The following ICE1 variants were observed in gnomAD, a reference collection of about 807,000 sequenced individuals.
ICE1 encodes the protein little elongation complex subunit 1.
A neutral mutation model predicts 192.7 loss-of-function variants in ICE1; 64 were observed. The observed-to-expected ratio is 0.33, with a 90% confidence interval of 0.27 to 0.41. The LOEUF is 0.41. Ranked by LOEUF, ICE1 falls within the 10% of genes least tolerant of loss-of-function variation. ICE1 has a pLI of 1.00. For missense variants in ICE1, 2,708 were observed against 2,696.0 expected, an observed-to-expected ratio of 1.00 and a Z score of -0.10; for synonymous variants, 1,010 against 984.5, an observed-to-expected ratio of 1.03 and a Z score of -0.49.
chr5:5,467,371 C>T (rs1408268265), intron 14 of ICE1, among the ~76,000 whole-genome samples: 1 of 152,136 alleles, frequency 6.6e-6, no homozygotes, highest in Non-Finnish European at 1.5e-5. Flanking sequence ...TGGGACGGAA[C>T]GGGTGTGGGC....
chr5:5,462,772 C>T lies in ICE1; in HGVS notation c.3438C>T (p.Ser1146=). The T allele has an allele frequency of 6.2e-7, 1 of 1,613,606 alleles. No homozygotes were observed. The highest frequency in any genetic ancestry group is 2.2e-5 in the East Asian group (1 of 44,858). ...CTGCTGTAGCCGAGGTGAGACCTTC[C>T]TTAGAGGTAGGTTATTTGACGTCAG... ...TDAAVAEVRP[S]LEVGYLTSAL... Residue 1146 remains serine, a synonymous_variant, in exon 13 of 19, where the codon TCC becomes TCT. Transcript: ENST00000296564.
rs1380256346 is a variant in ICE1, at chr5:5,440,875, C to T, written c.198-237C>T. Among the ~76,000 whole-genome samples the T allele has an allele frequency of 3.3e-5, 5 of 150,180 alleles. No individual in the cohort carries two copies. The South Asian group carries it at 6.3e-4, about 19-fold the overall frequency. The stretch of plus-strand genomic sequence containing the variant: ...ATACTCCAGCCATTATATTCCAGCC[C>T]AGGAGACAGAGTGAGACCCTGACTA... On this transcript the variant is annotated intron_variant, in intron 4 of 18. Coordinates refer to ENST00000296564, the MANE Select transcript of ICE1 (RefSeq NM_015325.3).
At chr5:5,453,370 A>G (rs1203345014) in intron 10 of ICE1, among the ~76,000 whole-genome samples, 3 of 152,180 alleles carry the variant, frequency 2.0e-5, no homozygotes, top group East Asian at 1.9e-4. Flanking sequence ...TGTCCTCCAC[A>G]GTTGTCCTGC....
chr5:5,437,727 G>A (rs527875710), intron 3 of ICE1: 1 of 152,398 alleles, frequency 6.6e-6, no homozygotes, highest in South Asian at 2.1e-4. Flanking sequence ...GTGGGAAAAA[G>A]ATGTGTATAA....
chr5:5,477,016 T>C lies in ICE1; in HGVS notation c.6520+937T>C, dbSNP rs150239250. ...TGCTTCCTTATTTGCTACAAATCGTTAGTTTTTATTTTTACTTATCTCCTA... is the reference window on the plus strand; with the variant it reads ...TGCTTCCTTATTTGCTACAAATCGTCAGTTTTTATTTTTACTTATCTCCTA... On this transcript the variant is annotated intron_variant, in intron 17 of 18. Transcript: ENST00000296564. 7.2e-5 allele frequency among the ~76,000 whole-genome samples: 11 copies of C among 152,358 alleles called. No homozygotes were observed. The East Asian group carries it at 2.1e-3, about 29-fold the overall frequency.
At chr5:5,485,724 A>T (rs2111408175) in intron 17 of ICE1, among the ~76,000 whole-genome samples, 1 of 152,364 alleles carries the variant, frequency 6.6e-6, no homozygotes, top group South Asian at 2.1e-4. Context: ...ATTGACATAG[A>T]TCTTCGAAAT....
At position 5,464,310 on chromosome 5, in the gene ICE1, C is replaced by G. The variant is rs1327131086; in HGVS notation, c.4976C>G (p.Pro1659Arg). ...PLSPLISSSSPSSPASPVGQV... is the reference protein window; with the variant it reads ...PLSPLISSSSRSSPASPVGQV... ...TCTCCACTGATATCGAGTTCTAGTC[C>G]TTCCTCACCAGCCTCTCCTGTTGGC... Residue 1659 changes from proline (P) to arginine (R), a missense_variant, in exon 13 of 19, where the codon CCT becomes CGT. This residue lies in a region of ICE1 where 2,366 missense variants were observed against 2,276.6 expected (regional missense o/e 1.04). Transcript: ENST00000296564. The surrounding 1 kb of genome is among the most constrained non-coding windows in gnomAD (Gnocchi z 4.0). 6.2e-7 allele frequency: 1 copy of G among 1,613,668 alleles called. No individual in the cohort carries two copies.
intron 4 of ICE1, among the ~76,000 whole-genome samples, chr5:5,440,463 A>C (rs1236561586): frequency 1.3e-5 from 2 of 152,176 alleles, no homozygotes; most frequent in Admixed American, 6.5e-5. Context: ...TTTTACTGTA[A>C]AGTATTCTTC....
rs150293558 is a variant in ICE1, at chr5:5,481,086, G to A, written c.6520+5007G>A. 1.3e-3 allele frequency among the ~76,000 whole-genome samples: 200 copies of A among 152,274 alleles called. 9 individuals are homozygous for A. In the East Asian group the frequency reaches 0.037, roughly 28 times the overall value. On this transcript the variant is annotated intron_variant, in intron 17 of 18. Transcript: ENST00000296564. ...AGGTGACATCTATATATCTGGAAAT[G>A]CTGATTTCAGTAGCAGCTTCTCTTA...
intron 13 of ICE1, among the ~76,000 whole-genome samples, chr5:5,465,737 C>T (rs1738965215): frequency 6.6e-6 from 1 of 152,292 alleles, no homozygotes. Context: ...AGACGGATCA[C>T]ACTTAGTGCT....
Position 5,457,422 on chromosome 5 carries a change from A to G in ICE1, c.782A>G (p.Asn261Ser). 4 of 1,613,844 alleles carry G rather than the reference A, an allele frequency of 2.5e-6. No homozygotes were observed. The highest frequency in any genetic ancestry group is 3.4e-6 in the Non-Finnish European group (4 of 1,179,806). ...PTQGSPLRTS[N>S]VQTCLTKLSM... is the part of the protein sequence containing the mutation. Reference sequence around the variant, plus strand: ...CAGGGCAGCCCTCTCAGGACCTCAAATGTGCAGACATGCCTCACAAAACTG... The same window carrying G: ...CAGGGCAGCCCTCTCAGGACCTCAAGTGTGCAGACATGCCTCACAAAACTG... The change falls in exon 12 of 19, where the codon AAT becomes AGT. Residue 261 changes from asparagine to serine, a missense_variant. By Grantham distance (46) the Asn-to-Ser change is conservative. This residue lies in a region of ICE1 where 2,366 missense variants were observed against 2,276.6 expected (regional missense o/e 1.04). Transcript: ENST00000296564.
chr5:5,475,946 A>G, intron 16 of ICE1, 27 bp from the exon 17 acceptor site: 1 of 1,329,794 alleles, frequency 7.5e-7, no homozygotes, highest in Non-Finnish European at 1.1e-6. Context: ...TGATGAGCAT[A>G]CATCTTTTCA....
chr5:5,478,093 C>T (rs1460730543), intron 17 of ICE1, among the ~76,000 whole-genome samples: 5 of 152,214 alleles, frequency 3.3e-5, no homozygotes, highest in Admixed American at 2.0e-4. Flanking sequence ...CTTACCACTC[C>T]TGTTCAACAT....
rs755918458 is a variant in ICE1 at position 5,462,276 on chromosome 5, G to C, written c.2942G>C (p.Gly981Ala). 6.2e-7 allele frequency: 1 copy of C among 1,613,434 alleles called. No homozygotes were observed. The highest frequency in any genetic ancestry group is 8.5e-7 in the Non-Finnish European group (1 of 1,179,588). Reference protein sequence around the residue: ...IVREAAVQGDGQKQRQPQATD... With the variant: ...IVREAAVQGDAQKQRQPQATD... ...AGAGAAGCTGCAGTGCAGGGAGATG[G>C]GCAGAAGCAAAGGCAGCCTCAGGCC... Residue 981 changes from glycine to alanine, a missense_variant, in exon 13 of 19, where the codon GGG (glycine) becomes GCG (alanine). Physicochemically the swap from Gly to Ala is moderately conservative, Grantham distance 60. Transcript: ENST00000296564.
intron 5 of ICE1, 21 bp from the exon 6 acceptor site, chr5:5,443,147 G>GC: frequency 1.5e-6 from 2 of 1,348,892 alleles, no homozygotes; most frequent in Non-Finnish European, 2.0e-6. Flanking sequence ...GACAATATCT[G>GC]TTTTTTTTCT....
At position 5,463,266 on chromosome 5, in the gene ICE1, C is replaced by G. The variant is rs762287463; in HGVS notation, c.3932C>G (p.Ser1311Cys). 2 of 1,613,328 alleles carry G rather than the reference C, an allele frequency of 1.2e-6. No individual in the cohort carries two copies. The highest frequency in any genetic ancestry group is 8.5e-7 in the Non-Finnish European group (1 of 1,179,728). Reference protein sequence around the residue: ...EKSPFRETTGSSSHASEPTPQ... With the variant: ...EKSPFRETTGCSSHASEPTPQ... ...AGTCCATTTCGGGAAACGACTGGCT[C>G]CTCATCACATGCTTCAGAACCAACC... The change falls in exon 13 of 19, where the codon TCC (serine) becomes TGC (cysteine). Residue 1311 changes from serine to cysteine, a missense_variant. Physicochemically the swap from Ser to Cys is moderately radical, Grantham distance 112. Transcript: ENST00000296564.
chr5:5,463,758 A>G lies in ICE1; in HGVS notation c.4424A>G (p.His1475Arg). The G allele has an allele frequency of 6.2e-7, 1 of 1,613,808 alleles. No homozygotes were observed. Residue 1475 changes from histidine (H) to arginine (R), a missense_variant, in exon 13 of 19, where the codon CAC becomes CGC. Transcript: ENST00000296564. ...TSAEKSPEAS[H>R]TGPAFQEAPC... is the part of the protein sequence containing the mutation. ...GCTGAGAAGTCCCCAGAGGCCAGTC[A>G]CACTGGCCCTGCATTTCAGGAGGCT...
chr5:5,443,151 T>G lies in ICE1; in HGVS notation c.310-17T>G, dbSNP rs775005916. Reference sequence around the variant, plus strand: ...ACTTTCATTTTGACAATATCTGTTTTTTTTCTTTTTTTAAAGAGTTCTTTA... The same window carrying G: ...ACTTTCATTTTGACAATATCTGTTTGTTTTCTTTTTTTAAAGAGTTCTTTA... On this transcript the variant is annotated splice_polypyrimidine_tract_variant and intron_variant, in intron 5 of 18. Coordinates refer to ENST00000296564, the MANE Select transcript of ICE1 (RefSeq NM_015325.3). 1.7e-4 allele frequency: 237 copies of G among 1,391,532 alleles called. No individual in the cohort carries two copies. The highest frequency in any genetic ancestry group is 2.2e-4 in the Non-Finnish European group (221 of 1,024,242). 86.2% of individuals were successfully genotyped at this position (1,391,532 alleles called of 1,614,324 possible). A position where few individuals can be genotyped will look rare whatever the true frequency, so the allele number is the denominator to read the frequency against.
intron 3 of ICE1, among the ~76,000 whole-genome samples, chr5:5,438,005 A>G (rs540033641): frequency 5.5e-4 from 84 of 152,298 alleles, no homozygotes; most frequent in Middle Eastern, 3.4e-3. Context: ...GTTGATTCTC[A>G]CGCTGCTATA....
Sources: allele counts gnomAD v4.1 joint callset (sites outside exome capture counted in the v4.1 genomes callset), GRCh38; gene constraint gnomAD v4.1.1; regional missense constraint gnomAD v4.1.1; non-coding constraint Gnocchi (gnomAD v3.1); transcripts MANE v1.5; gene names NCBI Gene and HGNC (gene_info 2026-07-23, HGNC 2026-07-21).